The following DNAH6 variants were observed in gnomAD, a reference collection of about 807,000 sequenced individuals.
The protein encoded by DNAH6 is axonemal beta dynein heavy chain 6.
DNAH6 carries 340 observed loss-of-function variants against 491.4 expected under a neutral mutation model. The observed-to-expected ratio is 0.69, with a 90% CI of 0.63 to 0.76. The LOEUF is 0.76. Among genes scored for constraint, DNAH6 ranks in the 30% least tolerant of loss-of-function variants. DNAH6 has a pLI of 0.00. For synonymous variants in DNAH6, 1,603 were observed against 1,686.1 expected, an observed-to-expected ratio of 0.95 and a Z score of 1.21; for missense variants, 4,443 against 4,972.2, an observed-to-expected ratio of 0.89 and a Z score of 3.20.
chr2:84,604,427 A>G lies in DNAH6; in HGVS notation c.2957A>G (p.Asp986Gly). The G allele has an allele frequency of 1.9e-6, 3 of 1,552,068 alleles. No individual in the cohort carries two copies. The highest frequency in any genetic ancestry group is 2.6e-6 in the Non-Finnish European group (3 of 1,147,048). ...IEQTVDATLV[D>G]AEIPLTLERL... ...CAAACAGTTGATGCCACTCTAGTGG[A>G]TGCTGAAATTCCATTAACCTTGGAG... Residue 986 changes from aspartate (D) to glycine (G), a missense_variant, in exon 19 of 77, where the codon GAT (aspartate) becomes GGT (glycine). Coordinates refer to ENST00000389394, the MANE Select transcript of DNAH6 (RefSeq NM_001370.2).
intron 33 of DNAH6, among the ~76,000 whole-genome samples, chr2:84,652,327 T>C (rs1333987160): frequency 1.3e-5 from 2 of 152,080 alleles, no homozygotes; most frequent in African/African-American, 4.8e-5. Context: ...ATTTTAATAG[T>C]CATTTCTTTA....
At chr2:84,589,739 A>G (rs1254214240) in intron 16 of DNAH6, among the ~76,000 whole-genome samples, 1 of 150,734 alleles carries the variant, frequency 6.6e-6, no homozygotes, top group African/African-American at 2.4e-5. Flanking sequence ...AAAGAAAGGT[A>G]TATTTGAAAG....
At chr2:84,694,190 C>G in intron 45 of DNAH6, 59 bp from the exon 46 acceptor site, 2 of 1,477,922 alleles carry the variant, frequency 1.4e-6, no homozygotes, top group Non-Finnish European at 1.8e-6. Flanking sequence ...GGGGCAGGCT[C>G]TCTGAGCAGG....
At chr2:84,776,849 G>A (rs1676174572) in intron 64 of DNAH6, among the ~76,000 whole-genome samples, 1 of 152,200 alleles carries the variant, frequency 6.6e-6, no homozygotes, top group South Asian at 2.1e-4. Flanking sequence ...CAACCCAAAT[G>A]TCCATCAGTG....
At chr2:84,623,824 A>G (rs1687615432) in intron 26 of DNAH6, among the ~76,000 whole-genome samples, 1 of 152,264 alleles carries the variant, frequency 6.6e-6, no homozygotes, top group Admixed American at 6.5e-5. Context: ...CTAGCTTAAA[A>G]TGCTCAGATT....
chr2:84,533,458 G>A (rs17025190), intron 4 of DNAH6, among the ~76,000 whole-genome samples: 3,587 of 152,144 alleles, frequency 0.024, 56 homozygotes, highest in Middle Eastern at 0.086. Flanking sequence ...AGTAGACAGC[G>A]TTATCACTTT....
In DNAH6 at chr2:84,707,618, A is replaced by G. The variant is rs1696603620; in HGVS notation, c.8950A>G (p.Lys2984Glu). ...EQVRWEESIQ[K>E]FEEEISNITG... ...GGTTCGATGGGAAGAAAGCATACAG[A>G]AGTTTGAGGAAGAAATATCAAATAT... Residue 2984 changes from lysine to glutamate, a missense_variant, in exon 54 of 77, where the codon AAG (lysine) becomes GAG (glutamate). By Grantham distance (56) the Lys-to-Glu change is moderately conservative (BLOSUM62 1). Coordinates refer to ENST00000389394, the MANE Select transcript of DNAH6 (RefSeq NM_001370.2). The G allele has an allele frequency of 6.4e-7, 1 of 1,552,176 alleles. No individual in the cohort carries two copies. Among genetic ancestry groups the G allele is most frequent in the African/African-American group, 1.4e-5 (1 of 73,062 alleles).
At chr2:84,582,613 A>G (rs1448657555) in intron 14 of DNAH6, among the ~76,000 whole-genome samples, 3 of 151,998 alleles carry the variant, frequency 2.0e-5, no homozygotes, top group East Asian at 3.9e-4. Context: ...CACTGCGCCC[A>G]GCTAATTTTT....
intron 64 of DNAH6, chr2:84,777,828 C>G (rs1676296529): frequency 1.7e-6 from 2 of 1,183,346 alleles, no homozygotes; most frequent in African/African-American, 3.0e-5. Context: ...GTCAAGATAT[C>G]CACTGGATTT....
At chr2:84,798,473 G>C (rs181128241) in intron 70 of DNAH6, among the ~76,000 whole-genome samples, 92 of 152,266 alleles carry the variant, frequency 6.0e-4, no homozygotes, top group African/African-American at 2.1e-3. Context: ...AGCCCAGAAG[G>C]CTTTGCTGTG....
intron 4 of DNAH6, among the ~76,000 whole-genome samples, chr2:84,538,707 A>AC (rs1205210158): frequency 6.6e-6 from 1 of 152,166 alleles, no homozygotes; most frequent in Non-Finnish European, 1.5e-5. Flanking sequence ...TCTTTGAAAC[A>AC]CAGGTACATG....
chr2:84,777,453 G>A (rs1385769403), intron 64 of DNAH6: 13 of 622,272 alleles, frequency 2.1e-5, no homozygotes, highest in Non-Finnish European at 3.3e-5. Context: ...AGGTGCAACC[G>A]CCTAAGATTC....
chr2:84,682,460 C>T (rs1181765293), intron 42 of DNAH6, among the ~76,000 whole-genome samples: 1 of 152,190 alleles, frequency 6.6e-6, no homozygotes, highest in Non-Finnish European at 1.5e-5. Context: ...CATCAAGTGC[C>T]ATCTACTCAG....
the DNAH6 span, among the ~76,000 whole-genome samples, chr2:84,479,329 T>C: frequency 6.6e-6 from 1 of 152,214 alleles, no homozygotes; most frequent in East Asian, 1.9e-4. Flanking sequence ...GCCCAGAATG[T>C]CCCTGCCTCC....
intron 11 of DNAH6, among the ~76,000 whole-genome samples, chr2:84,564,613 A>G (rs1680994262): frequency 6.6e-6 from 1 of 152,144 alleles, no homozygotes; most frequent in Non-Finnish European, 1.5e-5. Flanking sequence ...GTTTTTAGGT[A>G]TAGAATTATA....
At position 84,604,359 on chromosome 2, in the gene DNAH6, G is replaced by C; in HGVS notation, c.2889G>C (p.Leu963Phe). 1 of 1,552,150 alleles carries C rather than the reference G, an allele frequency of 6.4e-7. No individual in the cohort carries two copies. The highest frequency in any genetic ancestry group is 8.7e-7 in the Non-Finnish European group (1 of 1,147,054). Residue 963 changes from leucine to phenylalanine, a missense_variant, in exon 19 of 77, where the codon TTG (leucine) becomes TTC (phenylalanine). Leu to Phe is a conservative substitution (Grantham distance 22). Transcript: ENST00000389394. The stretch of plus-strand genomic sequence containing the variant: ...TTCAGCTTCCAGTTATCATTGACTT[G>C]AGGAACCCGACTTTGAAGGCAAGAC... ...MKEKLPVIID[L>F]RNPTLKARHW...
intron 2 of DNAH6, 77 bp downstream of exon 2, chr2:84,518,128 T>C (rs927556968): frequency 9.3e-7 from 1 of 1,069,820 alleles, no homozygotes; most frequent in Non-Finnish European, 1.3e-6. Context: ...ATAGAAGTCA[T>C]GTCCAGACTC....
chr2:84,540,683 A>T (rs117431540), intron 4 of DNAH6, among the ~76,000 whole-genome samples: 1 of 152,282 alleles, frequency 6.6e-6, no homozygotes, highest in East Asian at 1.9e-4. Context: ...CTCTCAGTTC[A>T]TGTGGTTATC....
Position 84,653,957 on chromosome 2 carries a change from C to T in DNAH6, c.5634+83C>T, listed in dbSNP as rs916958729. ...ACATTTTTTTCTCACACTGATGTAG[C>T]CTTTACTATCTATAATGTCTATTAT... On this transcript the variant is annotated intron_variant, in intron 34 of 76. Coordinates refer to ENST00000389394, the MANE Select transcript of DNAH6 (RefSeq NM_001370.2). 3.7e-6 allele frequency: 4 copies of T among 1,086,946 alleles called. No homozygotes were observed. The African/African-American group carries it at 6.4e-5, about 17-fold the overall frequency. 67.3% of individuals were successfully genotyped at this position (1,086,946 alleles called of 1,614,324 possible).
Sources: gnomAD v4.1 joint callset for allele counts (sites outside exome capture counted in the v4.1 genomes callset) on GRCh38, gnomAD v4.1.1 for gene constraint, MANE v1.5 for transcripts, NCBI Gene and HGNC (gene_info 2026-07-23, HGNC 2026-07-21) for gene names.